DPP6: variants seen among roughly 807,000 people sequenced by gnomAD.
DPP6 encodes A-type potassium channel modulatory protein DPP6.
In DPP6, 69 loss-of-function variants were observed where a neutral mutation model predicts 122.6. The observed-to-expected ratio is 0.56, with a 90% CI of 0.46 to 0.69. The LOEUF is 0.69. Among genes scored for constraint, DPP6 ranks in the 30% least tolerant of loss-of-function variants. DPP6 has a pLI of 0.00. For missense variants in DPP6, 928 were observed against 1,116.9 expected, an observed-to-expected ratio of 0.83 and a Z score of 2.41; for synonymous variants, 418 against 433.1, an observed-to-expected ratio of 0.97 and a Z score of 0.43.
intron 7 of DPP6, among the ~76,000 whole-genome samples, chr7:154,726,904 T>C (rs1247878500): frequency 3.9e-5 from 6 of 152,248 alleles, no homozygotes; most frequent in Admixed American, 3.9e-4. Flanking sequence ...TGAGACCATC[T>C]CAGCCTGGAC....
At chr7:154,446,502 G>C (rs1162983609) in intron 2 of DPP6, among the ~76,000 whole-genome samples, 174 bp downstream of exon 2, 2 of 152,104 alleles carry the variant, frequency 1.3e-5, no homozygotes, top group Non-Finnish European at 2.9e-5. Context: ...CATTTTATAT[G>C]TTTTGGATTT....
chr7:154,587,578 A>C, intron 5 of DPP6: 10 of 1,471,454 alleles, frequency 6.8e-6, no homozygotes, highest in Non-Finnish European at 9.0e-6. Flanking sequence ...CCATGCCCCA[A>C]AATAGCATCC....
chr7:154,017,034 A>G (rs1319534838), intron 1 of DPP6, among the ~76,000 whole-genome samples: 2 of 152,236 alleles, frequency 1.3e-5, no homozygotes, highest in Non-Finnish European at 2.9e-5. Flanking sequence ...AATAAGTAAT[A>G]GTGTTCCACA....
chr7:154,792,865 C>T (rs1378411633), intron 10 of DPP6, among the ~76,000 whole-genome samples: 1 of 152,246 alleles, frequency 6.6e-6, no homozygotes, highest in African/African-American at 2.4e-5. Flanking sequence ...TGCAGACCTC[C>T]CCTCCTGGCC....
chr7:154,778,555 A>AG (rs993513229), intron 10 of DPP6, among the ~76,000 whole-genome samples: 2 of 138,528 alleles, frequency 1.4e-5, no homozygotes, highest in African/African-American at 5.4e-5. Flanking sequence ...TGGCTTGAGC[A>AG]CCCCCCCCCA....
intron 1 of DPP6, among the ~76,000 whole-genome samples, chr7:154,104,926 C>T (rs549774551): frequency 2.0e-5 from 3 of 152,214 alleles, no homozygotes; most frequent in Non-Finnish European, 2.9e-5. Context: ...GGAGTGGTGG[C>T]ACACCTCTGT....
chr7:153,836,146 C>T, the DPP6 span, among the ~76,000 whole-genome samples: 3 of 152,222 alleles, frequency 2.0e-5, no homozygotes, highest in African/African-American at 4.8e-5. Context: ...TACGTGCACA[C>T]TCAGTGGTGC....
chr7:153,885,919 TGTGGA>T (rs1250582075), upstream of DPP6, among the ~76,000 whole-genome samples: 9 of 152,220 alleles, frequency 5.9e-5, no homozygotes, highest in East Asian at 1.7e-3. Flanking sequence ...ATGTGGGCAT[TGTGGA>T]TAACTTACAT....
intron 1 of DPP6, among the ~76,000 whole-genome samples, chr7:154,370,237 C>A (rs550410612): frequency 6.6e-6 from 1 of 152,144 alleles, no homozygotes; most frequent in Non-Finnish European, 1.5e-5. Context: ...CCTGCCTCGG[C>A]CTCCCAAATT....
At chr7:154,689,149 A>T (rs1239006337) in intron 7 of DPP6, among the ~76,000 whole-genome samples, 1 of 152,208 alleles carries the variant, frequency 6.6e-6, no homozygotes, top group Non-Finnish European at 1.5e-5. Context: ...AATAGTGAAG[A>T]TGCAACCCTC....
chr7:154,878,643 G>A (rs1463168025), intron 20 of DPP6, among the ~76,000 whole-genome samples: 1 of 152,274 alleles, frequency 6.6e-6, no homozygotes, highest in African/African-American at 2.4e-5. Context: ...TATCCTCACC[G>A]AGGAGCCCAC....
intron 1 of DPP6, among the ~76,000 whole-genome samples, chr7:154,413,002 A>G (rs950073754): frequency 1.3e-5 from 2 of 152,230 alleles, no homozygotes; most frequent in African/African-American, 4.8e-5. Context: ...TCCAAGAGGC[A>G]TCAGCATCCC....
chr7:154,532,863 T>A (rs1362385590), intron 3 of DPP6, among the ~76,000 whole-genome samples: 1 of 151,968 alleles, frequency 6.6e-6, no homozygotes, highest in East Asian at 1.9e-4. Flanking sequence ...GAAACAAAGG[T>A]CTCTCTGCCC....
intron 7 of DPP6, among the ~76,000 whole-genome samples, chr7:154,694,202 C>T (rs1840086899): frequency 6.6e-6 from 1 of 152,194 alleles, no homozygotes; most frequent in Admixed American, 6.5e-5. Context: ...AGCGTTCTCC[C>T]CTCATGACGT....
intron 16 of DPP6, 65 bp from the exon 17 acceptor site, chr7:154,853,715 T>TTTTCA (rs2150578907): frequency 6.3e-7 from 1 of 1,590,188 alleles, no homozygotes; most frequent in Non-Finnish European, 8.5e-7. Flanking sequence ...GCCTGTTTTC[T>TTTTCA]TGTTCTCGGC....
rs917991439 is a variant in DPP6 at position 154,602,008 on chromosome 7, G to T, written c.627+35092G>T. Among the ~76,000 whole-genome samples the T allele has an allele frequency of 7.4e-5, 9 of 121,306 alleles. 1 individual carries two copies. Among genetic ancestry groups the T allele is most frequent in the African/African-American group, 2.4e-4 (9 of 38,186 alleles). 79.6% of individuals were successfully genotyped at this position (121,306 alleles called of 152,430 possible). A position where few individuals can be genotyped will look rare whatever the true frequency, so the allele number is the denominator to read the frequency against. ...TGGTGCAAAAGTAATTGTGGTTCTT[G>T]CCAGTAAAAGTAATACTTGTTTCTT... On this transcript the variant is annotated intron_variant, in intron 5 of 25. Coordinates refer to ENST00000377770, the MANE Select transcript of DPP6 (RefSeq NM_130797.4).
At chr7:153,757,220 G>A in the DPP6 span, among the ~76,000 whole-genome samples, 38 of 152,302 alleles carry the variant, frequency 2.5e-4, no homozygotes, top group African/African-American at 7.9e-4. Flanking sequence ...GACATAATGT[G>A]TCTGTTCTTT....
chr7:154,127,245 A>T (rs758871883), intron 1 of DPP6, among the ~76,000 whole-genome samples: 1 of 152,222 alleles, frequency 6.6e-6, no homozygotes, highest in Non-Finnish European at 1.5e-5. Context: ...GCTAATTCCA[A>T]TGATTGCTGT....
At chr7:154,242,007 G>C (rs1182485460) in intron 1 of DPP6, among the ~76,000 whole-genome samples, 1 of 152,202 alleles carries the variant, frequency 6.6e-6, no homozygotes, top group South Asian at 2.1e-4. Flanking sequence ...CAGTGTAATA[G>C]AACACAGGAA....
Sources: allele counts gnomAD v4.1 joint callset (sites outside exome capture counted in the v4.1 genomes callset), GRCh38; gene constraint gnomAD v4.1.1; transcripts MANE v1.5; gene names NCBI Gene and HGNC (gene_info 2026-07-23, HGNC 2026-07-21).